NAMPT: variants seen among roughly 807,000 people sequenced by gnomAD.
NAMPT encodes nicotinamide phosphoribosyltransferase, also known as NAmPRTase.
A neutral mutation model predicts 58.7 loss-of-function variants in NAMPT; 7 were observed. The ratio of observed to expected loss-of-function variants is 0.12; its 90% CI spans 0.07 to 0.22. The LOEUF (loss-of-function observed/expected upper bound fraction) is 0.22, where lower values mean the gene tolerates loss of function less well. Ranked by LOEUF, NAMPT falls within the 10% of genes least tolerant of loss-of-function variation. NAMPT has a pLI of 1.00. For missense variants in NAMPT, 271 were observed against 567.9 expected (o/e 0.48, Z 5.31); for synonymous variants, 145 against 198.1 (o/e 0.73, Z 2.25).
Position 106,259,354 on chromosome 7 carries a change from C to T in NAMPT, c.1089+2234G>A, listed in dbSNP as rs548851822. ...ACTCCTGTTAATGCTGACATTTTAA[C>T]GTCCTCCCATGAAGCATGATGTTCT... On this transcript the variant is annotated intron_variant, in intron 8 of 10. Coordinates refer to ENST00000222553, the MANE Select transcript of NAMPT (RefSeq NM_005746.3). Among the ~76,000 whole-genome samples the T allele has an allele frequency of 1.2e-4, 19 of 152,156 alleles. No homozygotes were observed. In the South Asian group the frequency reaches 2.5e-3, roughly 20 times the overall value.
chr7:106,263,667 A>G (rs377332361), intron 6 of NAMPT, 50 bp from the exon 7 acceptor site: 162 of 1,339,712 alleles, frequency 1.2e-4, no homozygotes, highest in African/African-American at 8.1e-4. Context: ...CACTTGATCT[A>G]TCCCTGAATC....
At position 106,250,294 on chromosome 7, in the gene NAMPT, C is replaced by A. The variant is rs1235877125; in HGVS notation, c.*789G>T. 6.6e-6 allele frequency: 1 copy of A among 152,238 alleles called. No homozygotes were observed. Among genetic ancestry groups the A allele is most frequent in the Non-Finnish European group, 1.5e-5 (1 of 67,882 alleles). The allele number at this position is 152,238 out of a possible 1,614,324, so 9.4% of individuals were successfully genotyped here. ...TCTAAAAACATTATCTCCTTAAAAT[C>A]TTGAGGTGCATATTAGAGCCACAGG... On this transcript the variant is annotated 3_prime_UTR_variant, in exon 11 of 11. Coordinates refer to ENST00000222553, the MANE Select transcript of NAMPT (RefSeq NM_005746.3).
intron 8 of NAMPT, among the ~76,000 whole-genome samples, chr7:106,257,276 T>C (rs762163427): frequency 6.6e-6 from 1 of 152,066 alleles, no homozygotes; most frequent in Non-Finnish European, 1.5e-5. Context: ...TATTCTTGTT[T>C]ATGTAGTTTA....
intron 4 of NAMPT, chr7:106,270,263 A>G: frequency 2.4e-6 from 1 of 412,580 alleles, no homozygotes; most frequent in Admixed American, 2.8e-5. Flanking sequence ...CATTTTATAA[A>G]CCAGATTGTT....
intron 5 of NAMPT, among the ~76,000 whole-genome samples, 189 bp downstream of exon 5, chr7:106,268,965 A>C (rs1792478924): frequency 6.6e-6 from 1 of 152,194 alleles, no homozygotes; most frequent in Non-Finnish European, 1.5e-5. Flanking sequence ...TATAAAGGAC[A>C]GGGACATCTG....
intron 3 of NAMPT, 44 bp downstream of exon 3, chr7:106,274,901 TG>T (rs1284000825): frequency 7.6e-7 from 1 of 1,307,916 alleles, no homozygotes; most frequent in Non-Finnish European, 1.1e-6. Flanking sequence ...AGTTTTGAAC[TG>T]AAAGAAAAAC....
intron 4 of NAMPT, among the ~76,000 whole-genome samples, chr7:106,271,533 C>T (rs917584871): frequency 2.6e-5 from 4 of 152,046 alleles, no homozygotes; most frequent in Non-Finnish European, 4.4e-5. Context: ...TATTTCAGTC[C>T]TAAATATTAA....
intron 1 of NAMPT, among the ~76,000 whole-genome samples, chr7:106,278,115 G>A (rs1381511671): frequency 6.6e-6 from 1 of 152,170 alleles, no homozygotes; most frequent in Non-Finnish European, 1.5e-5. Flanking sequence ...TGATCACTGT[G>A]AACATAAATC....
chr7:106,285,026 G>A (rs545504296), upstream of NAMPT: 467 of 1,431,700 alleles, frequency 3.3e-4, no homozygotes, highest in Middle Eastern at 2.7e-3. Flanking sequence ...ACGGAGAGAG[G>A]GGAGGGGTCA....
chr7:106,276,837 G>T, intron 2 of NAMPT, 186 bp downstream of exon 2: 1 of 515,430 alleles, frequency 1.9e-6, no homozygotes, highest in Non-Finnish European at 3.4e-6. Context: ...AGCGAAACTC[G>T]GTTTCCAAAA....
intron 7 of NAMPT, among the ~76,000 whole-genome samples, chr7:106,262,878 TGAA>T (rs568709278): frequency 1.1e-4 from 17 of 152,214 alleles, no homozygotes; most frequent in African/African-American, 4.1e-4. Flanking sequence ...TACTACTTTT[TGAA>T]GAAGATAAAC....
At chr7:106,277,243 A>T in intron 1 of NAMPT, 64 bp from the exon 2 acceptor site, 1 of 1,340,116 alleles carries the variant, frequency 7.5e-7, no homozygotes, top group Non-Finnish European at 1.0e-6. Flanking sequence ...CACAACAGAA[A>T]AGGCTTGAAG....
At position 106,261,760 on chromosome 7, in the gene NAMPT, T is replaced by C; in HGVS notation, c.970-53A>G. On this transcript the variant is annotated intron_variant, in intron 7 of 10. Coordinates refer to ENST00000222553, the MANE Select transcript of NAMPT (RefSeq NM_005746.3). Reference sequence around the variant, plus strand: ...AAATAACTAAAGCTGAAAACAAGTATAAGAGCTTTTCAAAGTTAAATGATT... The same window carrying C: ...AAATAACTAAAGCTGAAAACAAGTACAAGAGCTTTTCAAAGTTAAATGATT... 3.3e-6 allele frequency: 5 copies of C among 1,530,382 alleles called. No individual in the cohort carries two copies. In the South Asian group the frequency reaches 5.8e-5, roughly 18 times the overall value. 94.8% of individuals were successfully genotyped at this position (1,530,382 alleles called of 1,614,324 possible). A position where few individuals can be genotyped will look rare whatever the true frequency, so the allele number is the denominator to read the frequency against.
chr7:106,249,652 C>A lies in NAMPT; in HGVS notation c.*1431G>T. On this transcript the variant is annotated 3_prime_UTR_variant, in exon 11 of 11. Coordinates refer to ENST00000222553, the MANE Select transcript of NAMPT (RefSeq NM_005746.3). Reference sequence around the variant, plus strand: ...AGGTTAATAAACATTTTGGGCTTTGCGATTCTCATTTGGCTTCTATTGCAG... The same window carrying A: ...AGGTTAATAAACATTTTGGGCTTTGAGATTCTCATTTGGCTTCTATTGCAG... The A allele has an allele frequency of 6.6e-6, 1 of 152,000 alleles. No homozygotes were observed. The highest frequency in any genetic ancestry group is 1.9e-4 in the East Asian group (1 of 5,194). 9.4% of individuals were successfully genotyped at this position (152,000 alleles called of 1,614,324 possible).
At chr7:106,267,873 A>AAAAAAAAAAAAAAAAAAAAAAC (rs1792455452) in intron 6 of NAMPT, among the ~76,000 whole-genome samples, 1 of 137,066 alleles carries the variant, frequency 7.3e-6, no homozygotes, top group South Asian at 2.3e-4. Flanking sequence ...AAAAAAAAAA[A>AAAAAAAAAAAAAAAAAAAAAAC]AAACAACCTG....
chr7:106,285,209 G>A (rs1434545432), upstream of NAMPT: 7 of 607,734 alleles, frequency 1.2e-5, no homozygotes, highest in Non-Finnish European at 1.5e-5. Context: ...CGCAGTGCGC[G>A]GAGGCGGGGC....
intron 8 of NAMPT, among the ~76,000 whole-genome samples, chr7:106,254,901 G>C (rs146343572): frequency 1.6e-4 from 24 of 152,238 alleles, no homozygotes; most frequent in Non-Finnish European, 3.1e-4. Context: ...TAGACTCTAG[G>C]AATGACTGTA....
Position 106,254,201 on chromosome 7 carries a change from A to G in NAMPT, c.1230+163T>C, listed in dbSNP as rs113674843. On this transcript the variant is annotated intron_variant, in intron 9 of 10. Coordinates refer to ENST00000222553, the MANE Select transcript of NAMPT (RefSeq NM_005746.3). ...GTCTCCTTAGGTCTGTTATTACCTAATATCTCCCTTCTTTCCTTGTTTCTG... is the reference window on the plus strand; with the variant it reads ...GTCTCCTTAGGTCTGTTATTACCTAGTATCTCCCTTCTTTCCTTGTTTCTG... Among the ~76,000 whole-genome samples, 716 of 152,186 alleles carry G rather than the reference A, an allele frequency of 4.7e-3. 8 individuals carry two copies. The highest frequency in any genetic ancestry group is 0.016 in the African/African-American group (658 of 41,510).
chr7:106,283,857 G>T (rs1792811459), intron 1 of NAMPT, among the ~76,000 whole-genome samples: 1 of 152,008 alleles, frequency 6.6e-6, no homozygotes, highest in South Asian at 2.1e-4. Context: ...GAAAAAAAAA[G>T]AATCAAAACA....
Sources: allele counts gnomAD v4.1 joint callset (sites outside exome capture counted in the v4.1 genomes callset), GRCh38; gene constraint gnomAD v4.1.1; transcripts MANE v1.5; gene names NCBI Gene and HGNC (gene_info 2026-07-23, HGNC 2026-07-21).